Variants in PPP1R1C observed in about 807,000 individuals in gnomAD.
PPP1R1C encodes protein phosphatase 1 regulatory inhibitor subunit 1C.
A neutral mutation model predicts 17.4 loss-of-function variants in PPP1R1C; 15 were observed. The ratio of observed to expected loss-of-function variants is 0.86; its 90% confidence interval spans 0.58 to 1.33. The LOEUF is 1.33. Ranked by LOEUF, PPP1R1C falls within the 40% of genes most tolerant of loss-of-function variation. The pLI is 0.00. For missense variants in PPP1R1C, 143 were observed against 130.0 expected, an observed-to-expected ratio of 1.10 and a Z score of -0.48; for synonymous variants, 35 against 43.1, an observed-to-expected ratio of 0.81 and a Z score of 0.73.
chr2:182,126,948 T>C (rs146272825), intron 5 of PPP1R1C, among the ~76,000 whole-genome samples: 14 of 152,190 alleles, frequency 9.2e-5, no homozygotes, highest in African/African-American at 3.1e-4. Context: ...GTTTTTAATT[T>C]CTTACGCTAT....
At chr2:181,959,523 G>A (rs954117795) in intron 1 of PPP1R1C, among the ~76,000 whole-genome samples, 1 of 152,072 alleles carries the variant, frequency 6.6e-6, no homozygotes, top group African/African-American at 2.4e-5. Flanking sequence ...ATTTTAGGTT[G>A]GCTAGTCTTT....
At chr2:182,064,226 G>A (rs1687925216) in intron 4 of PPP1R1C, 1 of 167,588 alleles carries the variant, frequency 6.0e-6, no homozygotes, top group Non-Finnish European at 1.3e-5. Context: ...GTCAGGAGCA[G>A]CTCTAAGAAA....
downstream of PPP1R1C, among the ~76,000 whole-genome samples, chr2:182,121,121 A>T (rs1689722825): frequency 6.6e-6 from 1 of 152,224 alleles, no homozygotes; most frequent in African/African-American, 2.4e-5. Context: ...AAAGAAACTG[A>T]CCAAAGCAAA....
chr2:181,969,574 A>G lies in PPP1R1C; in HGVS notation n.112-5645A>G, dbSNP rs558924578. ...ACCTTTGGGAGTTTGATTATTAAATATCTTGAGGTAGTCTTATTTGAGTTA... is the reference window on the plus strand; with the variant it reads ...ACCTTTGGGAGTTTGATTATTAAATGTCTTGAGGTAGTCTTATTTGAGTTA... On this transcript the variant is annotated intron_variant and non_coding_transcript_variant, in intron 1 of 5. Coordinates refer to the PPP1R1C transcript ENST00000464264. Among the ~76,000 whole-genome samples, 3 of 152,244 alleles carry G rather than the reference A, an allele frequency of 2.0e-5. No individual in the cohort carries two copies. The South Asian group carries it at 6.2e-4, about 32-fold the overall frequency.
chr2:181,997,957 T>C (rs748255035), intron 2 of PPP1R1C, among the ~76,000 whole-genome samples: 8 of 152,242 alleles, frequency 5.3e-5, no homozygotes, highest in Non-Finnish European at 1.0e-4. Flanking sequence ...GTTTTTTCTG[T>C]TAACTCCATT....
chr2:182,060,575 A>G (rs1021688244), intron 2 of PPP1R1C, among the ~76,000 whole-genome samples: 2 of 152,176 alleles, frequency 1.3e-5, no homozygotes, highest in African/African-American at 4.8e-5. Flanking sequence ...TTTATTAAAT[A>G]AAAATACCAT....
rs1041602476 is a variant in PPP1R1C, at chr2:181,957,281, C to T, written n.111+2647C>T. 3.3e-5 allele frequency among the ~76,000 whole-genome samples: 5 copies of T among 152,086 alleles called. No homozygotes were observed. The highest frequency in any genetic ancestry group is 7.4e-5 in the Non-Finnish European group (5 of 68,000). ...AGGCTGAGGCAGAATTGCTTGAACCCGGGAGGTGGAGGTTGTGGTAAGCCG... is the reference window on the plus strand; with the variant it reads ...AGGCTGAGGCAGAATTGCTTGAACCTGGGAGGTGGAGGTTGTGGTAAGCCG... On this transcript the variant is annotated intron_variant and non_coding_transcript_variant, in intron 1 of 5. Coordinates refer to the PPP1R1C transcript ENST00000464264. The surrounding 1 kb of genome is among the most constrained non-coding windows in gnomAD (Gnocchi z 4.2).
chr2:182,127,172 T>G (rs980030064), intron 5 of PPP1R1C, among the ~76,000 whole-genome samples: 1 of 152,072 alleles, frequency 6.6e-6, no homozygotes, highest in Non-Finnish European at 1.5e-5. Context: ...CAGCTGAACT[T>G]TGGTGACATA....
chr2:181,991,143 C>A (rs1685463114), intron 2 of PPP1R1C, among the ~76,000 whole-genome samples: 2 of 150,164 alleles, frequency 1.3e-5, no homozygotes, highest in African/African-American at 2.5e-5. Flanking sequence ...GAAGTGTTTG[C>A]AGGAAGAGTA....
intron 3 of PPP1R1C, among the ~76,000 whole-genome samples, chr2:182,063,247 T>C (rs576496295): frequency 6.6e-6 from 1 of 152,046 alleles, no homozygotes; most frequent in South Asian, 2.1e-4. Context: ...ATGGAGGTAA[T>C]AGTTGAACAT....
At chr2:182,080,233 C>T (rs1199131932) in intron 4 of PPP1R1C, among the ~76,000 whole-genome samples, 3 of 152,208 alleles carry the variant, frequency 2.0e-5, no homozygotes, top group Non-Finnish European at 4.4e-5. Context: ...TTCTCGACAG[C>T]ACATCCCCCA....
Position 181,962,553 on chromosome 2 carries a change from GC to G in PPP1R1C, n.111+7920del. On this transcript the variant is annotated intron_variant and non_coding_transcript_variant, in intron 1 of 5. Transcript: ENST00000464264. The surrounding 1 kb of genome is among the most constrained non-coding windows in gnomAD (Gnocchi z 6.0). ...GTCATAGCAGTTTTCTAAGGAACCT[GC>G]AGAGAAACATCAAGCTCAGATCGAA... 1 of 570,254 alleles carries G rather than the reference GC, an allele frequency of 1.8e-6. No individual in the cohort carries two copies. The highest frequency in any genetic ancestry group is 3.2e-6 in the Non-Finnish European group (1 of 314,640). The allele number at this position is 570,254 out of a possible 1,614,324, so 35.3% of individuals were successfully genotyped here.
intron 2 of PPP1R1C, among the ~76,000 whole-genome samples, chr2:182,032,436 T>C (rs1222210785): frequency 6.6e-6 from 1 of 152,182 alleles, no homozygotes; most frequent in Non-Finnish European, 1.5e-5. Flanking sequence ...AATTAACTTA[T>C]TTATTGTGTT....
intron 4 of PPP1R1C, among the ~76,000 whole-genome samples, chr2:182,106,691 A>T (rs1235699056): frequency 6.6e-6 from 1 of 152,204 alleles, no homozygotes; most frequent in Non-Finnish European, 1.5e-5. Flanking sequence ...GCCATAAGGC[A>T]TGGGGCCTAA....
chr2:182,049,324 T>G (rs978013008), intron 2 of PPP1R1C, among the ~76,000 whole-genome samples: 2 of 133,258 alleles, frequency 1.5e-5, no homozygotes, highest in African/African-American at 2.7e-5. Context: ...CAGAATGAGA[T>G]TCCATCTCAA....
intron 2 of PPP1R1C, among the ~76,000 whole-genome samples, chr2:182,019,417 A>G (rs563398608): frequency 6.6e-6 from 1 of 152,274 alleles, no homozygotes; most frequent in South Asian, 2.1e-4. Context: ...CTACAACTTC[A>G]CGCCATTTCA....
At chr2:182,110,019 C>G (rs1372351321) in intron 4 of PPP1R1C, among the ~76,000 whole-genome samples, 1 of 152,194 alleles carries the variant, frequency 6.6e-6, no homozygotes, top group Non-Finnish European at 1.5e-5. Context: ...TCCGTGCCTT[C>G]TCTCCTAGTA....
chr2:181,961,031 T>G lies in PPP1R1C; in HGVS notation n.111+6397T>G, dbSNP rs187581252. On this transcript the variant is annotated intron_variant and non_coding_transcript_variant, in intron 1 of 5. Coordinates refer to the PPP1R1C transcript ENST00000464264. The surrounding 1 kb of genome is among the most constrained non-coding windows in gnomAD (Gnocchi z 5.8). ...GAAGGTAAAGGGCAGATAAAATCAC[T>G]TTGCTGGAGAAATCAGAAGAGGGAC... Among the ~76,000 whole-genome samples, 184 of 152,182 alleles carry G rather than the reference T, an allele frequency of 1.2e-3. 1 individual carries two copies. The highest frequency in any genetic ancestry group is 4.2e-3 in the African/African-American group (174 of 41,496).
intron 4 of PPP1R1C, among the ~76,000 whole-genome samples, chr2:182,110,452 A>C (rs1689383959): frequency 6.6e-6 from 1 of 152,154 alleles, no homozygotes; most frequent in African/African-American, 2.4e-5. Context: ...TGTTGCTATC[A>C]GAGGTTTTCC....
Sources: gnomAD v4.1 joint callset for allele counts (sites outside exome capture counted in the v4.1 genomes callset) on GRCh38, gnomAD v4.1.1 for gene constraint, Gnocchi (gnomAD v3.1) non-coding constraint, MANE v1.5 for transcripts, NCBI Gene and HGNC (gene_info 2026-07-23, HGNC 2026-07-21) for gene names.